Variants in CBFA2T2 observed in about 807,000 individuals in gnomAD.
The protein encoded by CBFA2T2 is protein CBFA2T2.
Under a neutral mutation model 62.2 loss-of-function variants are expected in CBFA2T2, and 11 were observed. The ratio of observed to expected loss-of-function variants is 0.18; its 90% CI spans 0.11 to 0.29. The LOEUF is 0.29. Among genes scored for constraint, CBFA2T2 ranks in the 10% least tolerant of loss-of-function variants. The probability of loss-of-function intolerance (pLI) is 1.00; values close to 1 mark genes in which losing one functional copy is unlikely to be tolerated. For missense variants in CBFA2T2, 592 were observed against 774.1 expected (o/e 0.76, Z 2.79); for synonymous variants, 295 against 287.5 (o/e 1.03, Z -0.27).
At chr20:33,536,281 G>C (rs1291186014) in intron 1 of CBFA2T2, among the ~76,000 whole-genome samples, 69 of 145,796 alleles carry the variant, frequency 4.7e-4, no homozygotes, top group Admixed American at 2.4e-3. Flanking sequence ...CAGACGGGGC[G>C]GCTGGCCGGG....
chr20:33,502,497 C>G (rs1487366782), intron 1 of CBFA2T2, among the ~76,000 whole-genome samples: 1 of 151,796 alleles, frequency 6.6e-6, no homozygotes, highest in African/African-American at 2.4e-5. Context: ...AGCTCCGCCT[C>G]CCGGGTTCAC....
At chr20:33,600,066 T>C (rs1398025788) in intron 1 of CBFA2T2, among the ~76,000 whole-genome samples, 3 of 152,138 alleles carry the variant, frequency 2.0e-5, no homozygotes, top group Non-Finnish European at 4.4e-5. Flanking sequence ...TGCTCATCCT[T>C]AAGCATGTAC....
chr20:33,624,707 A>G, intron 5 of CBFA2T2, 57 bp from the exon 6 acceptor site: 1 of 1,585,436 alleles, frequency 6.3e-7, no homozygotes, highest in Non-Finnish European at 8.6e-7. Context: ...TTCTCAGGAA[A>G]TGTCTGCATG....
chr20:33,631,719 T>C (rs574258731), intron 8 of CBFA2T2, among the ~76,000 whole-genome samples: 185 of 152,360 alleles, frequency 1.2e-3, no homozygotes, highest in Non-Finnish European at 1.7e-3. Context: ...TTAATAGTTA[T>C]TACTAGCATT....
At chr20:33,501,906 C>A (rs2011290766) in intron 1 of CBFA2T2, among the ~76,000 whole-genome samples, 1 of 151,606 alleles carries the variant, frequency 6.6e-6, no homozygotes, top group South Asian at 2.1e-4. Flanking sequence ...TCACAAAGTG[C>A]TGGGATTACA....
intron 1 of CBFA2T2, among the ~76,000 whole-genome samples, chr20:33,597,515 C>T (rs1351764276): frequency 2.0e-5 from 3 of 152,180 alleles, no homozygotes; most frequent in Admixed American, 6.5e-5. Flanking sequence ...ACCGCCTGAC[C>T]TCTGCCTCCT....
Position 33,608,583 on chromosome 20 carries a change from C to G in CBFA2T2, c.178+1484C>G, listed in dbSNP as rs137980929. ...TATCCCTTTTCTTAAATTCTAATTT[C>G]TATCTCAAAGTTGAACAGCCCTAGA... is the stretch of plus-strand genomic sequence containing the variant. On this transcript the variant is annotated intron_variant, in intron 2 of 10. Coordinates refer to ENST00000342704, the MANE Select transcript of CBFA2T2 (RefSeq NM_001032999.3). Among the ~76,000 whole-genome samples the G allele has an allele frequency of 2.6e-5, 4 of 152,220 alleles. No homozygotes were observed. The East Asian group carries it at 5.8e-4, about 22-fold the overall frequency.
At chr20:33,595,150 G>A (rs1187939809) in intron 1 of CBFA2T2, among the ~76,000 whole-genome samples, 9 of 152,240 alleles carry the variant, frequency 5.9e-5, no homozygotes, top group South Asian at 4.1e-4. Flanking sequence ...CCCTCAGCAC[G>A]TAGTGCTGTA....
At chr20:33,562,382 G>C (rs1006662765) in intron 1 of CBFA2T2, 1 of 985,932 alleles carries the variant, frequency 1.0e-6, no homozygotes, top group South Asian at 4.7e-5. Context: ...GAAAAAGAGA[G>C]AGACTGACTG....
At chr20:33,539,687 GTT>G (rs34591002) in intron 1 of CBFA2T2, among the ~76,000 whole-genome samples, 6 of 138,420 alleles carry the variant, frequency 4.3e-5, no homozygotes, top group African/African-American at 5.3e-5. Flanking sequence ...TGTTTTTTGT[GTT>G]TTTTTTTTTT....
At chr20:33,491,416 G>C (rs953855579) in intron 1 of CBFA2T2, among the ~76,000 whole-genome samples, 1 of 152,072 alleles carries the variant, frequency 6.6e-6, no homozygotes, top group Non-Finnish European at 1.5e-5. Flanking sequence ...TCCTAAGTAA[G>C]ACATTATTTG....
In CBFA2T2 at chr20:33,629,750, A is replaced by G. The variant is rs1455597060; in HGVS notation, c.1064A>G (p.Lys355Arg). ...AATTGCATTATGGAAATGGTAGAGA[A>G]AACAAGGCGCTCTATGGCAGTTCTG... ...ALNCIMEMVE[K>R]TRRSMAVLRR... The change falls in exon 8 of 11, where the codon AAA (lysine) becomes AGA (arginine). Residue 355 changes from lysine to arginine, a missense_variant. Lys to Arg is a conservative substitution (Grantham distance 26). Coordinates refer to ENST00000342704, the MANE Select transcript of CBFA2T2 (RefSeq NM_001032999.3). 1.2e-6 allele frequency: 2 copies of G among 1,613,982 alleles called. No individual in the cohort carries two copies. Among genetic ancestry groups the G allele is most frequent in the Middle Eastern group, 1.7e-4 (1 of 6,060 alleles).
Position 33,629,759 on chromosome 20 carries a change from G to A in CBFA2T2, c.1073G>A (p.Arg358His), listed in dbSNP as rs747748686. ...CIMEMVEKTR[R>H]SMAVLRRCQE... is the part of the protein sequence containing the mutation. ...ATGGAAATGGTAGAGAAAACAAGGC[G>A]CTCTATGGCAGTTCTGCGGCGCTGT... The change falls in exon 8 of 11, where the codon CGC becomes CAC. Residue 358 changes from arginine (R) to histidine (H), a missense_variant. By Grantham distance (29) the Arg-to-His change is conservative. This residue lies in a region of CBFA2T2 where 449 missense variants were observed against 551.2 expected (regional missense o/e 0.81). Coordinates refer to ENST00000342704, the MANE Select transcript of CBFA2T2 (RefSeq NM_001032999.3). The A allele has an allele frequency of 8.1e-6, 13 of 1,613,990 alleles. No homozygotes were observed. Among genetic ancestry groups the A allele is most frequent in the East Asian group, 2.2e-5 (1 of 44,880 alleles).
At chr20:33,499,048 GA>G (rs11406629) in intron 1 of CBFA2T2, among the ~76,000 whole-genome samples, 9,915 of 137,584 alleles carry the variant, frequency 0.072, 814 homozygotes, top group African/African-American at 0.18. Flanking sequence ...CGTCTAAAAA[GA>G]AAAAAAAAAA....
rs2011136195 is a variant in CBFA2T2, at chr20:33,490,241, G to GGCGGCGC, written c.-20_-14dup. On this transcript the variant is annotated 5_prime_UTR_variant, in exon 1 of 11. Transcript: ENST00000342704. The stretch of plus-strand genomic sequence containing the variant: ...GGGACCCGTGTCGCGGGTAGAGGCG[G>GGCGGCGC]GCGGCGCGCGGCGGCGGCGCTCGGC... 39 of 1,231,926 alleles carry GGCGGCGC rather than the reference G, an allele frequency of 3.2e-5. No individual in the cohort carries two copies. The highest frequency in any genetic ancestry group is 3.4e-5 in the Non-Finnish European group (34 of 987,198). The allele number at this position is 1,231,926 out of a possible 1,614,324, so 76.3% of individuals were successfully genotyped here. A position where few individuals can be genotyped will look rare whatever the true frequency, so the allele number is the denominator to read the frequency against.
At chr20:33,510,957 C>A (rs1600911961) in intron 1 of CBFA2T2, among the ~76,000 whole-genome samples, 1 of 152,136 alleles carries the variant, frequency 6.6e-6, no homozygotes, top group African/African-American at 2.4e-5. Context: ...CTGTTCATAT[C>A]CTTCACCCAC....
chr20:33,527,599 C>A (rs1019312565), intron 1 of CBFA2T2, among the ~76,000 whole-genome samples: 4 of 152,114 alleles, frequency 2.6e-5, no homozygotes, highest in African/African-American at 9.7e-5. Flanking sequence ...TCTCAAACTC[C>A]TGACCTCAGA....
chr20:33,490,214 G>C lies in CBFA2T2; in HGVS notation c.-54G>C. On this transcript the variant is annotated 5_prime_UTR_variant, in exon 1 of 11. Coordinates refer to ENST00000342704, the MANE Select transcript of CBFA2T2 (RefSeq NM_001032999.3). ...GCGGGTCGAGGCGGGCGGCGCCTGC[G>C]AGGGACCCGTGTCGCGGGTAGAGGC... 8.2e-7 allele frequency: 1 copy of C among 1,217,788 alleles called. No homozygotes were observed. The highest frequency in any genetic ancestry group is 1.0e-6 in the Non-Finnish European group (1 of 978,868). The allele number at this position is 1,217,788 out of a possible 1,614,324, so 75.4% of individuals were successfully genotyped here. A position where few individuals can be genotyped will look rare whatever the true frequency, so the allele number is the denominator to read the frequency against.
chr20:33,559,304 G>A (rs1310666944), intron 1 of CBFA2T2, among the ~76,000 whole-genome samples: 1 of 150,710 alleles, frequency 6.6e-6, no homozygotes, highest in Non-Finnish European at 1.5e-5. Flanking sequence ...CTCCTGAGTA[G>A]CTGGAACTAT....
Sources: gnomAD v4.1 joint callset for allele counts (sites outside exome capture counted in the v4.1 genomes callset) on GRCh38, gnomAD v4.1.1 for gene constraint, gnomAD v4.1.1 regional missense constraint, MANE v1.5 for transcripts, NCBI Gene and HGNC (gene_info 2026-07-23, HGNC 2026-07-21) for gene names.